PACS2: variants seen among roughly 807,000 people sequenced by gnomAD.
The protein encoded by PACS2 is PACS1-like protein.
A neutral mutation model predicts 113.0 loss-of-function variants in PACS2; 36 were observed. The ratio of observed to expected loss-of-function variants is 0.32; its 90% CI spans 0.24 to 0.42. The LOEUF (loss-of-function observed/expected upper bound fraction) is 0.42. Ranked by LOEUF, PACS2 falls within the 10% of genes least tolerant of loss-of-function variation. PACS2 has a pLI of 1.00. For synonymous variants in PACS2, 589 were observed against 536.1 expected, an observed-to-expected ratio of 1.10 and a Z score of -1.36; for missense variants, 1,015 against 1,239.5, an observed-to-expected ratio of 0.82 and a Z score of 2.72.
chr14:105,316,859 T>C (rs1044803214), intron 1 of PACS2, among the ~76,000 whole-genome samples: 2 of 151,400 alleles, frequency 1.3e-5, no homozygotes, highest in African/African-American at 2.4e-5. Context: ...TTTGTTCTGT[T>C]GGTGTGGAGT....
At chr14:105,305,168 A>G (rs985470056) in intron 1 of PACS2, among the ~76,000 whole-genome samples, 1 of 152,144 alleles carries the variant, frequency 6.6e-6, no homozygotes, top group Non-Finnish European at 1.5e-5. Context: ...TGGGAGGCTG[A>G]GGAGGGAGGA....
At chr14:105,394,422 T>A in intron 24 of PACS2, 132 bp from the exon 25 acceptor site, 1 of 1,483,282 alleles carries the variant, frequency 6.7e-7, no homozygotes, top group Non-Finnish European at 9.0e-7. Flanking sequence ...AAAGTGTTGA[T>A]GCCCTCCAGC....
intron 1 of PACS2, among the ~76,000 whole-genome samples, chr14:105,327,461 G>A (rs587704152): frequency 6.6e-6 from 1 of 152,238 alleles, no homozygotes; most frequent in South Asian, 2.1e-4. Flanking sequence ...GGTGACAGGG[G>A]GCTGGGGTGG....
At position 105,375,841 on chromosome 14, in the gene PACS2, G is replaced by A. The variant is rs143623737; in HGVS notation, c.802-927G>A. ...CGTTCACAGCAGCTTCATCTGTGATGGTCATAATGCCCGTCAGCTGGTGAT... is the reference window on the plus strand; with the variant it reads ...CGTTCACAGCAGCTTCATCTGTGATAGTCATAATGCCCGTCAGCTGGTGAT... On this transcript the variant is annotated intron_variant, in intron 8 of 24. Transcript: ENST00000447393. Among the ~76,000 whole-genome samples, 259 of 152,286 alleles carry A rather than the reference G, an allele frequency of 1.7e-3. 4 individuals are homozygous for A. Among genetic ancestry groups the A allele is most frequent in the African/African-American group, 5.9e-3 (246 of 41,550 alleles).
chr14:105,335,282 C>G (rs1340079477), intron 1 of PACS2, among the ~76,000 whole-genome samples: 1 of 152,226 alleles, frequency 6.6e-6, no homozygotes, highest in African/African-American at 2.4e-5. Context: ...CCAGAGGCAC[C>G]CTGGGCTCAG....
chr14:105,384,113 T>TAG, intron 16 of PACS2: 2 of 518,374 alleles, frequency 3.9e-6, no homozygotes, highest in Non-Finnish European at 7.0e-6. Flanking sequence ...CTGCTGGGCC[T>TAG]TCCTCAGTGG....
chr14:105,378,626 C>G (rs901403485), intron 9 of PACS2, among the ~76,000 whole-genome samples: 9 of 152,252 alleles, frequency 5.9e-5, no homozygotes, highest in Admixed American at 3.3e-4. Flanking sequence ...CCAGGCTGGT[C>G]TCGAACTGAG....
intron 8 of PACS2, among the ~76,000 whole-genome samples, chr14:105,375,559 C>T (rs1595739251): frequency 6.6e-6 from 1 of 151,758 alleles, no homozygotes; most frequent in Non-Finnish European, 1.5e-5. Flanking sequence ...AATAAGTACA[C>T]GATCATCATG....
chr14:105,337,426 A>G (rs587701296), intron 1 of PACS2, among the ~76,000 whole-genome samples: 1 of 152,380 alleles, frequency 6.6e-6, no homozygotes, highest in African/African-American at 2.4e-5. Flanking sequence ...AAATGGTTCA[A>G]ACGGCAAGTT....
rs9671738 is a variant in PACS2, at chr14:105,357,292, T to C, written c.423+2115T>C. ...CCCACCCCAGGTCACACCAGCCACA[T>C]CGTCTGCTGCTTGAAATCCCATCAT... On this transcript the variant is annotated intron_variant, in intron 4 of 24. Coordinates refer to ENST00000447393, the MANE Select transcript of PACS2 (RefSeq NM_001100913.3). This position sits in a 1 kb window ranked among gnomAD's most constrained non-coding sequence, Gnocchi z 5.1. Among the ~76,000 whole-genome samples the C allele has an allele frequency of 9.9e-5, 15 of 151,816 alleles. No individual in the cohort carries two copies. The highest frequency in any genetic ancestry group is 3.1e-4 in the African/African-American group (13 of 41,296).
Position 105,366,615 on chromosome 14 carries a change from G to A in PACS2, c.424-598G>A, listed in dbSNP as rs1345338824. ...AACAGAGGAGCTGGACCTGGCCTGT[G>A]AGCCAGGCCTGGTGGGTGTCTCCTG... On this transcript the variant is annotated intron_variant, in intron 4 of 24. Transcript: ENST00000447393. The surrounding 1 kb of genome is among the most constrained non-coding windows in gnomAD (Gnocchi z 4.3). 6.6e-6 allele frequency among the ~76,000 whole-genome samples: 1 copy of A among 152,218 alleles called. No homozygotes were observed. Among genetic ancestry groups the A allele is most frequent in the Non-Finnish European group, 1.5e-5 (1 of 68,040 alleles).
chr14:105,380,031 T>G (rs1555411515), intron 10 of PACS2, 49 bp from the exon 11 acceptor site: 1 of 1,513,264 alleles, frequency 6.6e-7, no homozygotes, highest in Non-Finnish European at 9.0e-7. Context: ...AGTCAGCGCC[T>G]TGGCACCTGC....
intron 1 of PACS2, among the ~76,000 whole-genome samples, chr14:105,319,279 A>G (rs996930125): frequency 2.0e-5 from 3 of 152,350 alleles, no homozygotes; most frequent in African/African-American, 7.2e-5. Flanking sequence ...ACAAAGCCAC[A>G]TTTGGTTTAT....
chr14:105,312,909 C>G (rs2058383921), upstream of PACS2, among the ~76,000 whole-genome samples: 1 of 152,188 alleles, frequency 6.6e-6, no homozygotes, highest in Non-Finnish European at 1.5e-5. Context: ...TCGGGCCACT[C>G]TGGTACAGAC....
At chr14:105,336,091 C>T (rs973801763) in intron 1 of PACS2, among the ~76,000 whole-genome samples, 4 of 152,334 alleles carry the variant, frequency 2.6e-5, no homozygotes, top group East Asian at 1.9e-4. Context: ...AGCTCCCACG[C>T]GGGCAGGCTC....
intron 1 of PACS2, among the ~76,000 whole-genome samples, chr14:105,301,574 A>T (rs1029280327): frequency 3.3e-5 from 5 of 151,854 alleles, no homozygotes; most frequent in Non-Finnish European, 7.4e-5. Context: ...GCCAGGGGCC[A>T]CCCTGCCCCG....
intron 16 of PACS2, chr14:105,383,919 T>A (rs2081082814): frequency 3.7e-6 from 1 of 272,466 alleles, no homozygotes; most frequent in African/African-American, 2.2e-5. Context: ...GTCCAGGTCC[T>A]GTGTCGTCGA....
At chr14:105,360,650 C>A (rs782209328) in intron 4 of PACS2, among the ~76,000 whole-genome samples, 6 of 151,950 alleles carry the variant, frequency 3.9e-5, no homozygotes, top group Admixed American at 2.0e-4. Flanking sequence ...GCTGACCGGT[C>A]AGAGTGTTGG....
At position 105,368,455 on chromosome 14, in the gene PACS2, G is replaced by A. The variant is rs2061025833; in HGVS notation, c.661-4G>A. On this transcript the variant is annotated splice_polypyrimidine_tract_variant and splice_region_variant and intron_variant, in intron 6 of 24. Coordinates refer to ENST00000447393, the MANE Select transcript of PACS2 (RefSeq NM_001100913.3). The stretch of plus-strand genomic sequence containing the variant: ...GGCCTCAGCCACTGCATATGTCTCT[G>A]CAGGACTTGGACGAGGACGACTTTG... 1 of 1,612,972 alleles carries A rather than the reference G, an allele frequency of 6.2e-7. No homozygotes were observed.
Sources: gnomAD v4.1 joint callset for allele counts (sites outside exome capture counted in the v4.1 genomes callset) on GRCh38, gnomAD v4.1.1 for gene constraint, Gnocchi (gnomAD v3.1) non-coding constraint, MANE v1.5 for transcripts, NCBI Gene and HGNC (gene_info 2026-07-23, HGNC 2026-07-21) for gene names.